The following PPFIA1 variants were observed in gnomAD, a reference collection of about 807,000 sequenced individuals.
PPFIA1 encodes liprin-alpha-1.
Under a neutral mutation model 149.9 loss-of-function variants are expected in PPFIA1, and 25 were observed. That is an observed-to-expected ratio of 0.17 (90% CI 0.12 to 0.23). The LOEUF is 0.23. PPFIA1 is among the 10% of genes least tolerant of loss of function. PPFIA1 has a pLI of 1.00. For missense variants in PPFIA1, 1,362 were observed against 1,506.5 expected (o/e 0.90, Z 1.59); for synonymous variants, 549 against 552.8 (o/e 0.99, Z 0.10).
At chr11:70,295,675 C>T (rs575110320) in intron 2 of PPFIA1, among the ~76,000 whole-genome samples, 24 of 134,170 alleles carry the variant, frequency 1.8e-4, no homozygotes, top group Non-Finnish European at 2.7e-4. Flanking sequence ...GGCGGCTGGC[C>T]GGGCCGGGGG....
At chr11:70,309,387 T>G (rs2053105124) in intron 2 of PPFIA1, among the ~76,000 whole-genome samples, 1 of 152,214 alleles carries the variant, frequency 6.6e-6, no homozygotes, top group African/African-American at 2.4e-5. Flanking sequence ...CAAGCTGGTC[T>G]CGAACTTGCG....
Position 70,335,583 on chromosome 11 carries a change from G to T in PPFIA1, c.1317G>T (p.Met439Ile). Residue 439 changes from methionine (M) to isoleucine (I), a missense_variant, in exon 11 of 28, where the codon ATG (methionine) becomes ATT (isoleucine). Coordinates refer to ENST00000253925, the MANE Select transcript of PPFIA1 (RefSeq NM_003626.5). ...TTTAGGCAAGGCAAAGAGAAAAAATGAACGAAGAACATAATAAACGTTTAT... is the reference window on the plus strand; with the variant it reads ...TTTAGGCAAGGCAAAGAGAAAAAATTAACGAAGAACATAATAAACGTTTAT... Reference protein sequence around the residue: ...ELQRARQREKMNEEHNKRLSD... With the variant: ...ELQRARQREKINEEHNKRLSD... 1 of 1,613,778 alleles carries T rather than the reference G, an allele frequency of 6.2e-7. No homozygotes were observed. The highest frequency in any genetic ancestry group is 1.1e-5 in the South Asian group (1 of 90,986).
intron 2 of PPFIA1, among the ~76,000 whole-genome samples, chr11:70,283,713 G>A (rs962131681): frequency 6.7e-6 from 1 of 148,426 alleles, no homozygotes; most frequent in African/African-American, 2.5e-5. Context: ...GCGGAATTGT[G>A]TAGGACTAGA....
At chr11:70,326,117 G>A (rs2054268478) in intron 5 of PPFIA1, 145 bp from the exon 6 acceptor site, 4 of 560,642 alleles carry the variant, frequency 7.1e-6, no homozygotes, top group Admixed American at 3.5e-5. Context: ...GGTTATTTTC[G>A]GATTGGGTAG....
rs2054792001 is a variant in PPFIA1 at position 70,333,477 on chromosome 11, A to G, written c.1220A>G (p.Glu407Gly). ...QRVAALSKAEERHGNIEERLR... is the reference protein window; with the variant it reads ...QRVAALSKAEGRHGNIEERLR... ...CGCTGTTTCTGCTGACAGGCTGAAG[A>G]GAGACACGGCAACATTGAAGAAAGG... is the stretch of plus-strand genomic sequence containing the variant. The change falls in exon 10 of 28, where the codon GAG becomes GGG. Residue 407 changes from glutamate to glycine, a missense_variant. Physicochemically the swap from Glu to Gly is moderately conservative, Grantham distance 98. Transcript: ENST00000253925. 6 of 1,612,872 alleles carry G rather than the reference A, an allele frequency of 3.7e-6. No homozygotes were observed. The highest frequency in any genetic ancestry group is 1.3e-5 in the African/African-American group (1 of 75,058).
At chr11:70,341,502 T>TAGG (rs546150774) in intron 14 of PPFIA1, among the ~76,000 whole-genome samples, 87 of 152,114 alleles carry the variant, frequency 5.7e-4, no homozygotes, top group African/African-American at 2.0e-3. Context: ...TAGAGGAGAC[T>TAGG]AGGAATTGAG....
At chr11:70,315,689 T>G (rs539544076) in intron 2 of PPFIA1, among the ~76,000 whole-genome samples, 2 of 146,640 alleles carry the variant, frequency 1.4e-5, no homozygotes, top group East Asian at 2.0e-4. Context: ...TTTTTTTTTT[T>G]TTTTTTTTTT....
At chr11:70,365,758 T>A (rs997091174) in intron 21 of PPFIA1, 47 of 367,338 alleles carry the variant, frequency 1.3e-4, no homozygotes, top group African/African-American at 1.0e-3. Flanking sequence ...ACGGAGAGAG[T>A]CTGCTCCTTG....
At position 70,343,699 on chromosome 11, in the gene PPFIA1, C is replaced by T. The variant is rs748672100; in HGVS notation, c.1738C>T (p.Arg580Cys). Reference sequence around the variant, plus strand: ...AACTCTTAATGAGCAGGATTGGGAACGTGCCCAGCAAGCTAGTGTCTTGGC... The same window carrying T: ...AACTCTTAATGAGCAGGATTGGGAATGTGCCCAGCAAGCTAGTGTCTTGGC... ...VQTLNEQDWE[R>C]AQQASVLANV... Residue 580 changes from arginine (R) to cysteine (C), a missense_variant, in exon 15 of 28, where the codon CGT becomes TGT. Arg to Cys is a radical substitution (Grantham distance 180). Coordinates refer to ENST00000253925, the MANE Select transcript of PPFIA1 (RefSeq NM_003626.5). The T allele has an allele frequency of 1.2e-5, 19 of 1,614,070 alleles. No individual in the cohort carries two copies. Among genetic ancestry groups the T allele is most frequent in the East Asian group, 8.9e-5 (4 of 44,890 alleles).
chr11:70,371,439 C>CTGTTT (rs1591377204), intron 21 of PPFIA1: 1 of 91,580 alleles, frequency 1.1e-5, no homozygotes. Flanking sequence ...GTTCTATGTT[C>CTGTTT]TCTTGTTGGG....
rs2054279233 is a variant in PPFIA1, at chr11:70,326,256, T to C, written c.607-6T>C. 1 of 1,552,546 alleles carries C rather than the reference T, an allele frequency of 6.4e-7. No individual in the cohort carries two copies. On this transcript the variant is annotated splice_polypyrimidine_tract_variant and splice_region_variant and intron_variant, in intron 5 of 27. Transcript: ENST00000253925. Reference sequence around the variant, plus strand: ...TTTACACTCATATTCAATTTTTTGCTTTCAGCTAATGATTCTTAAAGAACA... The same window carrying C: ...TTTACACTCATATTCAATTTTTTGCCTTCAGCTAATGATTCTTAAAGAACA...
intron 14 of PPFIA1, among the ~76,000 whole-genome samples, chr11:70,342,445 CTTT>C (rs1042659598): frequency 6.6e-6 from 1 of 152,224 alleles, no homozygotes. Context: ...GGCACACACA[CTTT>C]TCCCTCTGCA....
At chr11:70,335,924 C>G (rs2054946582) in intron 11 of PPFIA1, among the ~76,000 whole-genome samples, 1 of 152,160 alleles carries the variant, frequency 6.6e-6, no homozygotes, top group Non-Finnish European at 1.5e-5. Flanking sequence ...CATTCTTATT[C>G]TCTAGAATGA....
At chr11:70,377,420 T>G (rs1243497721) in intron 25 of PPFIA1, among the ~76,000 whole-genome samples, 1 of 151,700 alleles carries the variant, frequency 6.6e-6, no homozygotes, top group African/African-American at 2.4e-5. Flanking sequence ...AAGTTGAGTT[T>G]GACAGAGAGA....
intron 15 of PPFIA1, 63 bp downstream of exon 15, chr11:70,343,955 C>T: frequency 7.2e-7 from 1 of 1,392,256 alleles, no homozygotes. Flanking sequence ...TCTCATCTTG[C>T]CTGGAAAAGT....
rs370268058 is a variant in PPFIA1 at position 70,339,260 on chromosome 11, G to A, written c.1661G>A (p.Arg554His). The change falls in exon 14 of 28, where the codon CGC (arginine) becomes CAC (histidine). Residue 554 changes from arginine (R) to histidine (H), a missense_variant. Physicochemically the swap from Arg to His is conservative, Grantham distance 29. Around this residue, in one of 7 missense-constraint regions of PPFIA1, gnomAD observed 733 missense variants for 744.1 expected, o/e 0.99. Transcript: ENST00000253925. ...TACAGCACCAGTGCAGTGCTGCGGC[G>A]CCCACAGAAAGGCCGGCTGGCAGCC... ...DSYSTSAVLR[R>H]PQKGRLAALR... 2.2e-5 allele frequency: 35 copies of A among 1,613,948 alleles called. No individual in the cohort carries two copies. Among genetic ancestry groups the A allele is most frequent in the Non-Finnish European group, 2.7e-5 (32 of 1,179,954 alleles).
Position 70,356,376 on chromosome 11 carries a change from C to T in PPFIA1, c.2582+122C>T. 4 of 742,398 alleles carry T rather than the reference C, an allele frequency of 5.4e-6. No individual in the cohort carries two copies. In the South Asian group the frequency reaches 7.3e-5, roughly 14 times the overall value. 46.0% of individuals were successfully genotyped at this position (742,398 alleles called of 1,614,324 possible). A position where few individuals can be genotyped will look rare whatever the true frequency, so the allele number is the denominator to read the frequency against. ...TATACATTATATTCTGAAAGCTTTA[C>T]CTACAGCCTTAATTAAGCCGTACTT... is the stretch of plus-strand genomic sequence containing the variant. On this transcript the variant is annotated intron_variant, in intron 19 of 27. Coordinates refer to ENST00000253925, the MANE Select transcript of PPFIA1 (RefSeq NM_003626.5).
intron 19 of PPFIA1, among the ~76,000 whole-genome samples, chr11:70,361,888 T>C (rs539782718): frequency 1.9e-3 from 294 of 151,876 alleles, no homozygotes; most frequent in African/African-American, 6.6e-3. Context: ...GTCTCCCGAG[T>C]AGCTGGGACT....
chr11:70,283,711 G>A (rs1476888369), intron 2 of PPFIA1, among the ~76,000 whole-genome samples: 1 of 149,796 alleles, frequency 6.7e-6, no homozygotes, highest in Non-Finnish European at 1.5e-5. Flanking sequence ...TGGCGGAATT[G>A]TGTAGGACTA....
Sources: allele counts gnomAD v4.1 joint callset (sites outside exome capture counted in the v4.1 genomes callset), GRCh38; gene constraint gnomAD v4.1.1; regional missense constraint gnomAD v4.1.1; transcripts MANE v1.5; gene names NCBI Gene and HGNC (gene_info 2026-07-23, HGNC 2026-07-21).